The following KMT5B variants were observed in gnomAD, a reference collection of about 807,000 sequenced individuals.
KMT5B encodes the protein histone-lysine N-methyltransferase KMT5B.
KMT5B carries 10 observed loss-of-function variants against 83.2 expected under a neutral mutation model. The observed-to-expected ratio is 0.12, with a 90% CI of 0.07 to 0.20. The LOEUF (loss-of-function observed/expected upper bound fraction) is 0.20, where lower values mean the gene tolerates loss of function less well. Among genes scored for constraint, KMT5B ranks in the 10% least tolerant of loss-of-function variants. The probability of loss-of-function intolerance (pLI) is 1.00; values close to 1 mark genes in which losing one functional copy is unlikely to be tolerated. For synonymous variants in KMT5B, 349 were observed against 388.8 expected, an observed-to-expected ratio of 0.90 and a Z score of 1.20; for missense variants, 753 against 1,067.2, an observed-to-expected ratio of 0.71 and a Z score of 4.10.
chr11:68,164,272 G>A (rs1399408426), intron 10 of KMT5B, among the ~76,000 whole-genome samples: 4 of 152,148 alleles, frequency 2.6e-5, no homozygotes, highest in Non-Finnish European at 5.9e-5. Context: ...TTATACATGT[G>A]TTCAAAGAAA....
chr11:68,171,177 AACTC>A lies in KMT5B; in HGVS notation c.841-30_841-27del, dbSNP rs1855803047. The A allele has an allele frequency of 1.2e-6, 2 of 1,608,082 alleles. No individual in the cohort carries two copies. Among genetic ancestry groups the A allele is most frequent in the Non-Finnish European group, 1.7e-6 (2 of 1,178,804 alleles). On this transcript the variant is annotated intron_variant, in intron 8 of 10. Transcript: ENST00000304363. This position sits in a 1 kb window ranked among gnomAD's most constrained non-coding sequence, Gnocchi z 5.1. ...CTAAAATAAAAGTAACTCAGTAAGA[AACTC>A]ACACCTGAAGCAAAAACAAAATACT...
In KMT5B at chr11:68,157,296, TATG is replaced by T. The variant is rs1253535894; in HGVS notation, c.*389_*391del. 6.3e-6 allele frequency: 1 copy of T among 157,924 alleles called. No individual in the cohort carries two copies. The highest frequency in any genetic ancestry group is 6.4e-5 in the Admixed American group (1 of 15,620). The allele number at this position is 157,924 out of a possible 1,614,324, so 9.8% of individuals were successfully genotyped here. A position where few individuals can be genotyped will look rare whatever the true frequency, so the allele number is the denominator to read the frequency against. Reference sequence around the variant, plus strand: ...CTAGAAACCCTTAATATGCTGCTACTATGATTTGTTTTAAATTATTGTTTAGTC... The same window carrying T: ...CTAGAAACCCTTAATATGCTGCTACTATTTGTTTTAAATTATTGTTTAGTC... On this transcript the variant is annotated 3_prime_UTR_variant, in exon 11 of 11. Transcript: ENST00000304363.
At chr11:68,207,470 A>G (rs1860278085) in intron 1 of KMT5B, among the ~76,000 whole-genome samples, 1 of 152,114 alleles carries the variant, frequency 6.6e-6, no homozygotes, top group Non-Finnish European at 1.5e-5. Flanking sequence ...GTCCAGGCTG[A>G]GAGACTGTGT....
At position 68,163,001 on chromosome 11, in the gene KMT5B, G is replaced by A. The variant is rs530746809; in HGVS notation, c.1175-3830C>T. Among the ~76,000 whole-genome samples the A allele has an allele frequency of 9.9e-5, 15 of 151,596 alleles. 1 individual carries two copies. The South Asian group carries it at 3.2e-3, about 32-fold the overall frequency. ...ATTTCAGACAGTGAAGGCTAAAGGA[G>A]GAAGACAGTGGCCACAATGACAAAC... On this transcript the variant is annotated intron_variant, in intron 10 of 10. Coordinates refer to ENST00000304363, the MANE Select transcript of KMT5B (RefSeq NM_017635.5).
At chr11:68,164,002 CCT>C (rs1331969832) in intron 10 of KMT5B, among the ~76,000 whole-genome samples, 3 of 152,264 alleles carry the variant, frequency 2.0e-5, no homozygotes, top group African/African-American at 7.2e-5. Flanking sequence ...CGCTCGCGAG[CCT>C]CTCTCTGGTC....
At chr11:68,178,697 T>G (rs1038036391) in intron 4 of KMT5B, among the ~76,000 whole-genome samples, 3 of 152,242 alleles carry the variant, frequency 2.0e-5, no homozygotes, top group African/African-American at 7.2e-5. Flanking sequence ...AAAAGTCAGC[T>G]GGCTGATAGT....
At chr11:68,189,427 T>C (rs1021399992) in intron 2 of KMT5B, among the ~76,000 whole-genome samples, 1 of 152,222 alleles carries the variant, frequency 6.6e-6, no homozygotes, top group African/African-American at 2.4e-5. Context: ...CCTGTATAAA[T>C]AGAATAAATT....
intron 1 of KMT5B, among the ~76,000 whole-genome samples, chr11:68,209,862 TC>T (rs376554530): frequency 0.023 from 3,421 of 148,080 alleles, 138 homozygotes; most frequent in African/African-American, 0.08. Flanking sequence ...CTGTTTTCTT[TC>T]CCCCTTTTTT....
At chr11:68,166,745 T>C in intron 10 of KMT5B, 2 of 1,370,978 alleles carry the variant, frequency 1.5e-6, no homozygotes, top group African/African-American at 1.5e-5. Flanking sequence ...GAAGAACTCA[T>C]ATCCAGTTAC....
At chr11:68,166,569 C>A in intron 10 of KMT5B, 1 of 1,008,816 alleles carries the variant, frequency 9.9e-7, no homozygotes, top group Non-Finnish European at 1.2e-6. Flanking sequence ...CTATGAATTC[C>A]CCAAGTCCAT....
chr11:68,210,032 G>A (rs373474513), intron 1 of KMT5B, among the ~76,000 whole-genome samples: 1 of 152,200 alleles, frequency 6.6e-6, no homozygotes, highest in African/African-American at 2.4e-5. Flanking sequence ...ATTTTTAGTA[G>A]AGACGGGGTT....
chr11:68,199,106 A>G (rs1389478922), intron 1 of KMT5B, among the ~76,000 whole-genome samples: 2 of 152,030 alleles, frequency 1.3e-5, no homozygotes, highest in Non-Finnish European at 2.9e-5. Context: ...TTTTTTAGTT[A>G]CAAATCCTGT....
Position 68,170,309 on chromosome 11 carries a change from T to C in KMT5B, c.977+706A>G, listed in dbSNP as rs1030928806. Among the ~76,000 whole-genome samples the C allele has an allele frequency of 6.6e-5, 10 of 152,128 alleles. No homozygotes were observed. The South Asian group carries it at 1.2e-3, about 19-fold the overall frequency. On this transcript the variant is annotated intron_variant, in intron 9 of 10. Coordinates refer to ENST00000304363, the MANE Select transcript of KMT5B (RefSeq NM_017635.5). ...TGAGAACTGAACAAGGTGGTGTGAGTAAAGTGCCTGGCACAGTGCAAGATG... is the reference window on the plus strand; with the variant it reads ...TGAGAACTGAACAAGGTGGTGTGAGCAAAGTGCCTGGCACAGTGCAAGATG...
At chr11:68,194,815 T>C (rs1591036550) in intron 1 of KMT5B, among the ~76,000 whole-genome samples, 1 of 152,200 alleles carries the variant, frequency 6.6e-6, no homozygotes, top group East Asian at 1.9e-4. Context: ...TTGGTACAGA[T>C]GCATAAACTT....
chr11:68,163,630 G>A (rs1277707279), intron 10 of KMT5B, among the ~76,000 whole-genome samples: 1 of 152,190 alleles, frequency 6.6e-6, no homozygotes, highest in Non-Finnish European at 1.5e-5. Context: ...TAATACAAGG[G>A]CCACAGCTGA....
At chr11:68,165,504 A>G (rs562660141) in intron 10 of KMT5B, among the ~76,000 whole-genome samples, 111 of 151,928 alleles carry the variant, frequency 7.3e-4, no homozygotes, top group African/African-American at 2.6e-3. Context: ...CTCCGTCTCA[A>G]AAGAAAAAAA....
At chr11:68,198,462 CAAGACA>C in intron 1 of KMT5B, among the ~76,000 whole-genome samples, 1 of 111,996 alleles carries the variant, frequency 8.9e-6, no homozygotes, top group East Asian at 3.3e-4. Flanking sequence ...CAAGACAAGA[CAAGACA>C]AGACAAGACA....
At chr11:68,206,649 CAAG>C (rs796538803) in intron 1 of KMT5B, among the ~76,000 whole-genome samples, 1 of 152,168 alleles carries the variant, frequency 6.6e-6, no homozygotes, top group South Asian at 2.1e-4. Context: ...AGGTTTGGCA[CAAG>C]ATATTTTAAA....
chr11:68,196,831 C>A (rs905879205), intron 1 of KMT5B, among the ~76,000 whole-genome samples: 1 of 152,132 alleles, frequency 6.6e-6, no homozygotes, highest in African/African-American at 2.4e-5. Context: ...GTGTTTAACA[C>A]ACAACTTATG....
Sources: gnomAD v4.1 joint callset for allele counts (sites outside exome capture counted in the v4.1 genomes callset) on GRCh38, gnomAD v4.1.1 for gene constraint, Gnocchi (gnomAD v3.1) non-coding constraint, MANE v1.5 for transcripts, NCBI Gene and HGNC (gene_info 2026-07-23, HGNC 2026-07-21) for gene names.